The following NCKAP5 variants were observed in gnomAD, a reference collection of about 807,000 sequenced individuals.
NCKAP5 encodes the protein nck-associated protein 5.
NCKAP5 carries 92 observed loss-of-function variants against 167.0 expected under a neutral mutation model. The ratio of observed to expected loss-of-function variants is 0.55; its 90% CI spans 0.47 to 0.66. The LOEUF (loss-of-function observed/expected upper bound fraction) is 0.66. Ranked by LOEUF, NCKAP5 falls within the 30% of genes least tolerant of loss-of-function variation. NCKAP5 has a pLI of 0.00. For missense variants in NCKAP5, 2,378 were observed against 2,315.0 expected (o/e 1.03, Z -0.56); for synonymous variants, 891 against 877.4 (o/e 1.02, Z -0.27).
intron 4 of NCKAP5, among the ~76,000 whole-genome samples, chr2:133,225,510 C>T (rs545107464): frequency 3.9e-5 from 6 of 152,156 alleles, no homozygotes; most frequent in Non-Finnish European, 8.8e-5. Flanking sequence ...GATGGAATCC[C>T]TGATGGACTG....
intron 5 of NCKAP5, among the ~76,000 whole-genome samples, chr2:133,181,599 T>C (rs2084735069): frequency 1.3e-5 from 1 of 78,404 alleles, no homozygotes; most frequent in Non-Finnish European, 2.3e-5. Context: ...AATCCCCATC[T>C]CTACAAAAAA....
chr2:132,839,807 T>C (rs1490440485), intron 11 of NCKAP5, among the ~76,000 whole-genome samples: 1 of 148,936 alleles, frequency 6.7e-6, no homozygotes, highest in African/African-American at 2.5e-5. Flanking sequence ...AATAGCCTAC[T>C]GTTGACCAAA....
chr2:133,564,465 T>C (rs1290027492), intron 1 of NCKAP5, among the ~76,000 whole-genome samples: 2 of 152,280 alleles, frequency 1.3e-5, no homozygotes, highest in African/African-American at 4.8e-5. Flanking sequence ...GATTACAAAT[T>C]TGACAACTCA....
chr2:132,823,945 C>T (rs1164249333), intron 11 of NCKAP5, among the ~76,000 whole-genome samples: 1 of 152,072 alleles, frequency 6.6e-6, no homozygotes, highest in African/African-American at 2.4e-5. Flanking sequence ...AAAAGAGGGA[C>T]ATTATATAAT....
chr2:133,038,236 G>A (rs2079099453), intron 6 of NCKAP5, among the ~76,000 whole-genome samples: 1 of 152,128 alleles, frequency 6.6e-6, no homozygotes, highest in African/African-American at 2.4e-5. Context: ...ATCAACAGAT[G>A]AATGGATACA....
the NCKAP5 span, among the ~76,000 whole-genome samples, chr2:133,656,325 A>C: frequency 6.6e-6 from 1 of 152,156 alleles, no homozygotes; most frequent in Non-Finnish European, 1.5e-5. Context: ...AAAACACAAC[A>C]TGGTAATGGT....
intron 19 of NCKAP5, among the ~76,000 whole-genome samples, chr2:132,696,624 C>A (rs897609224): frequency 7.9e-5 from 12 of 152,148 alleles, no homozygotes; most frequent in African/African-American, 2.9e-4. Flanking sequence ...AGTCTTTTCA[C>A]TCGGATCATT....
At chr2:132,689,063 C>T (rs549173295) in intron 19 of NCKAP5, among the ~76,000 whole-genome samples, 2 of 151,500 alleles carry the variant, frequency 1.3e-5, no homozygotes, top group Non-Finnish European at 2.9e-5. Context: ...AACTCCCTAC[C>T]CAGAATGGAA....
At chr2:133,207,302 TAGAA>T (rs1177900564) in intron 5 of NCKAP5, among the ~76,000 whole-genome samples, 2 of 152,112 alleles carry the variant, frequency 1.3e-5, no homozygotes, top group African/African-American at 2.4e-5. Flanking sequence ...TTAGGGAAAA[TAGAA>T]AGGACCTACA....
intron 8 of NCKAP5, among the ~76,000 whole-genome samples, chr2:132,961,307 G>A (rs1209302864): frequency 8.1e-6 from 1 of 123,292 alleles, no homozygotes. Context: ...ATGACAAAAT[G>A]ACATCTATAT....
At chr2:132,731,323 A>G (rs1433873454) in intron 17 of NCKAP5, among the ~76,000 whole-genome samples, 1 of 152,236 alleles carries the variant, frequency 6.6e-6, no homozygotes, top group East Asian at 1.9e-4. Flanking sequence ...ACATATAAAG[A>G]TATTTTAACT....
chr2:133,249,597 G>C lies in NCKAP5; in HGVS notation c.144-35818C>G, dbSNP rs561967332. On this transcript the variant is annotated intron_variant, in intron 4 of 19. Transcript: ENST00000409261. ...ACAACCACCTTCAGGCTGACTTGACGTTAGTCACCCTTCCTCCTTCAAAGT... is the reference window on the plus strand; with the variant it reads ...ACAACCACCTTCAGGCTGACTTGACCTTAGTCACCCTTCCTCCTTCAAAGT... Among the ~76,000 whole-genome samples, 4 of 152,176 alleles carry C rather than the reference G, an allele frequency of 2.6e-5. No individual in the cohort carries two copies. The East Asian group carries it at 7.7e-4, about 29-fold the overall frequency.
intron 3 of NCKAP5, among the ~76,000 whole-genome samples, chr2:133,470,385 C>T (rs1163649577): frequency 6.6e-5 from 10 of 152,168 alleles, no homozygotes; most frequent in South Asian, 2.1e-4. Flanking sequence ...TCTCCAGCTG[C>T]GTGCTGGGAG....
chr2:133,426,034 G>A (rs913005560), intron 3 of NCKAP5, among the ~76,000 whole-genome samples: 11 of 152,320 alleles, frequency 7.2e-5, no homozygotes, highest in African/African-American at 2.2e-4. Flanking sequence ...CACTTTGGGA[G>A]GCCAAGGCGG....
intron 19 of NCKAP5, among the ~76,000 whole-genome samples, chr2:132,717,837 C>T (rs541898896): frequency 2.0e-5 from 3 of 152,256 alleles, no homozygotes; most frequent in Non-Finnish European, 2.9e-5. Flanking sequence ...GGCTGGGGGA[C>T]GCCAGTGCCA....
intron 3 of NCKAP5, among the ~76,000 whole-genome samples, chr2:133,456,134 G>T (rs1260603054): frequency 6.6e-6 from 1 of 152,110 alleles, no homozygotes; most frequent in East Asian, 1.9e-4. Context: ...TTAAGGATGG[G>T]ACCTGTAGCA....
intron 4 of NCKAP5, among the ~76,000 whole-genome samples, chr2:133,215,442 C>G (rs2086386829): frequency 6.6e-6 from 1 of 152,140 alleles, no homozygotes; most frequent in Admixed American, 6.6e-5. Context: ...GAATCACATA[C>G]TCCATACTCT....
chr2:133,285,653 G>A (rs772214133), intron 4 of NCKAP5, among the ~76,000 whole-genome samples: 3 of 152,188 alleles, frequency 2.0e-5, no homozygotes, highest in Admixed American at 6.5e-5. Context: ...TATAATGCAC[G>A]TATCACCATC....
chr2:133,414,822 C>A (rs111273525), intron 3 of NCKAP5, among the ~76,000 whole-genome samples: 1 of 152,102 alleles, frequency 6.6e-6, no homozygotes, highest in Non-Finnish European at 1.5e-5. Context: ...ACTAATAATA[C>A]GGAGAAAGCA....
Sources: allele counts gnomAD v4.1 joint callset (sites outside exome capture counted in the v4.1 genomes callset), GRCh38; gene constraint gnomAD v4.1.1; transcripts MANE v1.5; gene names NCBI Gene and HGNC (gene_info 2026-07-23, HGNC 2026-07-21).